GNG7: variants seen among roughly 807,000 people sequenced by gnomAD.
GNG7 encodes the protein guanine nucleotide-binding protein G(I)/G(S)/G(O) subunit gamma-7.
A neutral mutation model predicts 4.0 loss-of-function variants in GNG7; 1 was observed. The observed-to-expected ratio is 0.25, with a 90% confidence interval of 0.09 to 1.18. The LOEUF (loss-of-function observed/expected upper bound fraction) is 1.18, where lower values mean the gene tolerates loss of function less well. Among genes scored for constraint, GNG7 ranks in the 50% most tolerant of loss-of-function variants. GNG7 has a pLI of 0.50. For synonymous variants in GNG7, 34 were observed against 36.9 expected, an observed-to-expected ratio of 0.92 and a Z score of 0.29; for missense variants, 86 against 91.9, an observed-to-expected ratio of 0.94 and a Z score of 0.26.
chr19:2,540,675 C>G (rs1978930273), intron 3 of GNG7, among the ~76,000 whole-genome samples: 1 of 152,222 alleles, frequency 6.6e-6, no homozygotes, highest in African/African-American at 2.4e-5. Context: ...ACCTGCCTGG[C>G]CTGTCTCTGC....
chr19:2,535,395 G>A (rs910215150), intron 3 of GNG7, among the ~76,000 whole-genome samples: 7 of 151,918 alleles, frequency 4.6e-5, no homozygotes, highest in Admixed American at 4.6e-4. Context: ...AGCTACTCAG[G>A]AGGCTGAGGT....
intron 1 of GNG7, among the ~76,000 whole-genome samples, chr19:2,678,302 C>T (rs1983644793): frequency 6.6e-6 from 1 of 152,146 alleles, no homozygotes; most frequent in Non-Finnish European, 1.5e-5. Context: ...TGAAAGGTGA[C>T]TTGTAGAATG....
intron 1 of GNG7, among the ~76,000 whole-genome samples, chr19:2,657,361 AAT>A (rs869231931): frequency 6.6e-3 from 108 of 16,274 alleles, no homozygotes; most frequent in African/African-American, 0.024. Context: ...AAAAAAAAAA[AAT>A]ATATATATAT....
intron 1 of GNG7, among the ~76,000 whole-genome samples, chr19:2,656,597 C>CA (rs1451444234): frequency 6.6e-6 from 1 of 151,882 alleles, no homozygotes. Context: ...GAGGCTCCAT[C>CA]AAAAAAAGAG....
chr19:2,659,110 C>T (rs1168702161), intron 1 of GNG7, among the ~76,000 whole-genome samples: 1 of 151,942 alleles, frequency 6.6e-6, no homozygotes, highest in Non-Finnish European at 1.5e-5. Flanking sequence ...GCTGGGACTA[C>T]AGGCGCCCGC....
In GNG7 at chr19:2,661,302, G is replaced by GAAAGAAAGAAAA; in HGVS notation, c.-134-15023_-134-15022insTTTTCTTTCTTT. Among the ~76,000 whole-genome samples the GAAAGAAAGAAAA allele has an allele frequency of 8.8e-4, 64 of 73,124 alleles. 6 individuals are homozygous for GAAAGAAAGAAAA. The highest frequency in any genetic ancestry group is 2.3e-3 in the African/African-American group (42 of 18,502). The allele number at this position is 73,124 out of a possible 152,430, so 48.0% of individuals were successfully genotyped here. A position where few individuals can be genotyped will look rare whatever the true frequency, so the allele number is the denominator to read the frequency against. On this transcript the variant is annotated intron_variant, in intron 1 of 4. Transcript: ENST00000382159. ...AGAAAGAAAGAAAGAAAGAAAGAAA[G>GAAAGAAAGAAAA]AGAAAGAAAGAAAGAAAGAAAGAAA...
rs560019647 is a variant in GNG7, at chr19:2,511,863, G to T, written c.*3159C>A. ...GGTTACCCCTGGGGAGGGTGGGAGA[G>T]GGGTGAGGGTTCTGGCTCCTTCCTG... On this transcript the variant is annotated 3_prime_UTR_variant, in exon 5 of 5. Coordinates refer to ENST00000382159, the MANE Select transcript of GNG7 (RefSeq NM_052847.3). This position sits in a 1 kb window ranked among gnomAD's most constrained non-coding sequence, Gnocchi z 6.3. The T allele has an allele frequency of 1.7e-5, 17 of 986,228 alleles. No homozygotes were observed. The African/African-American group carries it at 2.4e-4, about 14-fold the overall frequency. 61.1% of individuals were successfully genotyped at this position (986,228 alleles called of 1,614,324 possible).
intron 3 of GNG7, among the ~76,000 whole-genome samples, chr19:2,550,042 C>T (rs1006159867): frequency 4.6e-5 from 7 of 152,324 alleles, no homozygotes; most frequent in Admixed American, 1.3e-4. Context: ...GGCCTCTTTC[C>T]GCTCTCAGTG....
At chr19:2,696,017 T>C (rs1460542013) in intron 1 of GNG7, among the ~76,000 whole-genome samples, 1 of 151,446 alleles carries the variant, frequency 6.6e-6, no homozygotes, top group African/African-American at 2.4e-5. Flanking sequence ...ATTATCTGGG[T>C]GTGGTGGTGC....
chr19:2,568,500 AG>A (rs938035456), intron 2 of GNG7, among the ~76,000 whole-genome samples: 1 of 151,744 alleles, frequency 6.6e-6, no homozygotes, highest in African/African-American at 2.4e-5. Context: ...GCACATACAC[AG>A]GGTCTCTGTG....
At chr19:2,688,114 A>T (rs531815436) in intron 1 of GNG7, among the ~76,000 whole-genome samples, 17 of 152,264 alleles carry the variant, frequency 1.1e-4, no homozygotes, top group Non-Finnish European at 1.5e-4. Context: ...TTAGCCGGGC[A>T]TGGTGGCGGG....
chr19:2,682,106 A>G (rs1175630942), intron 1 of GNG7, among the ~76,000 whole-genome samples: 1 of 148,018 alleles, frequency 6.8e-6, no homozygotes. Context: ...ACTGGGTTTC[A>G]CTATGTTGGC....
intron 1 of GNG7, among the ~76,000 whole-genome samples, chr19:2,656,325 C>T (rs1436600404): frequency 6.6e-6 from 1 of 152,206 alleles, no homozygotes; most frequent in Non-Finnish European, 1.5e-5. Flanking sequence ...AATGTGAGGC[C>T]GGGTGCGGTG....
At chr19:2,638,093 G>A (rs1243487450) in intron 2 of GNG7, among the ~76,000 whole-genome samples, 6 of 151,986 alleles carry the variant, frequency 3.9e-5, no homozygotes, top group East Asian at 2.0e-4. Flanking sequence ...GGCCGGGTGC[G>A]GTGGCTCACG....
intron 1 of GNG7, among the ~76,000 whole-genome samples, chr19:2,670,313 G>A (rs1326935372): frequency 6.6e-6 from 1 of 152,156 alleles, no homozygotes; most frequent in Non-Finnish European, 1.5e-5. Context: ...CCCCACTGTC[G>A]GGGGAGCAGA....
At chr19:2,593,364 G>T (rs1011168739) in intron 2 of GNG7, among the ~76,000 whole-genome samples, 4 of 152,122 alleles carry the variant, frequency 2.6e-5, no homozygotes, top group Non-Finnish European at 4.4e-5. Flanking sequence ...AAAGTGAAAA[G>T]AAATAGTATT....
intron 2 of GNG7, among the ~76,000 whole-genome samples, chr19:2,568,130 TAC>T (rs749607865): frequency 1.1e-4 from 15 of 136,358 alleles, no homozygotes; most frequent in Middle Eastern, 4.8e-3. Flanking sequence ...CATATAGACA[TAC>T]ACACATATAC....
At chr19:2,679,717 A>G (rs1249574060) in intron 1 of GNG7, among the ~76,000 whole-genome samples, 2 of 152,112 alleles carry the variant, frequency 1.3e-5, no homozygotes, top group East Asian at 1.9e-4. Context: ...CTATTCCCCC[A>G]GGTCCCACTT....
intron 1 of GNG7, among the ~76,000 whole-genome samples, chr19:2,670,249 C>A (rs912711384): frequency 1.3e-5 from 2 of 152,160 alleles, no homozygotes; most frequent in Non-Finnish European, 2.9e-5. Flanking sequence ...CACGGAGACC[C>A]ACCCTCCCCT....
Sources: allele counts gnomAD v4.1 joint callset (sites outside exome capture counted in the v4.1 genomes callset), GRCh38; gene constraint gnomAD v4.1.1; non-coding constraint Gnocchi (gnomAD v3.1); transcripts MANE v1.5; gene names NCBI Gene and HGNC (gene_info 2026-07-23, HGNC 2026-07-21).